The following MSR1 variants were observed in gnomAD, a reference collection of about 807,000 sequenced individuals.
MSR1 encodes macrophage scavenger receptor types I and II.
In MSR1, 53 loss-of-function variants were observed where a neutral mutation model predicts 47.2. The ratio of observed to expected loss-of-function variants is 1.12; its 90% CI spans 0.90 to 1.41. MSR1 has a LOEUF of 1.41. Among genes scored for constraint, MSR1 ranks in the 40% most tolerant of loss-of-function variants. The pLI is 0.00. For missense variants in MSR1, 786 were observed against 546.9 expected, an observed-to-expected ratio of 1.44 and a Z score of -4.36; for synonymous variants, 239 against 185.6, an observed-to-expected ratio of 1.29 and a Z score of -2.34.
intron 9 of MSR1, among the ~76,000 whole-genome samples, chr8:16,114,452 T>G (rs1799831181): frequency 6.6e-6 from 1 of 152,110 alleles, no homozygotes; most frequent in African/African-American, 2.4e-5. Context: ...CCATACAGGC[T>G]CAGATATACC....
intron 8 of MSR1, among the ~76,000 whole-genome samples, chr8:16,137,115 C>T (rs769952662): frequency 6.6e-6 from 1 of 152,028 alleles, no homozygotes; most frequent in Non-Finnish European, 1.5e-5. Context: ...TAAGGCTGAG[C>T]CCGTTAGCAA....
chr8:16,144,515 G>C (rs1233430651), intron 7 of MSR1, among the ~76,000 whole-genome samples: 1 of 151,998 alleles, frequency 6.6e-6, no homozygotes, highest in African/African-American at 2.4e-5. Context: ...TTTCATCCTA[G>C]AGCTCAGAGG....
chr8:16,190,583 G>T (rs1467890368), intron 1 of MSR1, among the ~76,000 whole-genome samples: 1 of 152,016 alleles, frequency 6.6e-6, no homozygotes, highest in Non-Finnish European at 1.5e-5. Context: ...ATCCCCACAG[G>T]TTTCTTTTAC....
intron 8 of MSR1, among the ~76,000 whole-genome samples, chr8:16,122,840 A>ATTTTTTTT: frequency 7.8e-6 from 1 of 127,934 alleles, no homozygotes; most frequent in African/African-American, 3.0e-5. Context: ...CTCTATTCAA[A>ATTTTTTTT]TTCTTTTTTT....
intron 5 of MSR1, among the ~76,000 whole-genome samples, chr8:16,159,769 AAT>A (rs1290183383): frequency 6.6e-6 from 1 of 151,934 alleles, no homozygotes. Context: ...CTTGTGAGAG[AAT>A]ACTTAATGTT....
chr8:16,111,308 T>C (rs924574114), intron 9 of MSR1, among the ~76,000 whole-genome samples: 3 of 152,242 alleles, frequency 2.0e-5, no homozygotes, highest in Non-Finnish European at 2.9e-5. Context: ...CTATTATATT[T>C]ATTGTCATTT....
chr8:16,113,641 G>T (rs1278684350), intron 9 of MSR1, among the ~76,000 whole-genome samples: 2 of 152,122 alleles, frequency 1.3e-5, no homozygotes, highest in African/African-American at 4.8e-5. Context: ...TTGGATTGTA[G>T]TTTTGTGCTT....
intron 8 of MSR1, among the ~76,000 whole-genome samples, chr8:16,142,747 A>T (rs1479044668): frequency 6.6e-6 from 1 of 152,158 alleles, no homozygotes; most frequent in Non-Finnish European, 1.5e-5. Context: ...ACCCCTGATG[A>T]TTAAATATGA....
intron 8 of MSR1, among the ~76,000 whole-genome samples, chr8:16,129,585 A>G (rs1385379823): frequency 6.6e-6 from 1 of 152,040 alleles, no homozygotes. Flanking sequence ...GTTCCCTACA[A>G]AAAATTTTAA....
In MSR1 at chr8:16,175,239, G is replaced by T; in HGVS notation, c.165C>A (p.Ala55=). Residue 55 remains alanine, a synonymous_variant, in exon 3 of 10, where the codon GCC becomes GCA. Transcript: ENST00000262101. ...GAACTGCAAACACGAGGAGGTAAAGGGCAATCAGTGCAGCTTTGAAGGACT... is the reference window on the plus strand; with the variant it reads ...GAACTGCAAACACGAGGAGGTAAAGTGCAATCAGTGCAGCTTTGAAGGACT... ...KLKSFKAALI[A]LYLLVFAVLI... The T allele has an allele frequency of 6.2e-7, 1 of 1,614,080 alleles. No homozygotes were observed. The highest frequency in any genetic ancestry group is 1.1e-5 in the South Asian group (1 of 91,076).
intron 3 of MSR1, among the ~76,000 whole-genome samples, chr8:16,174,333 G>A (rs1013581678): frequency 4.6e-5 from 7 of 152,068 alleles, no homozygotes; most frequent in East Asian, 1.9e-4. Flanking sequence ...GAGCACATGG[G>A]CAGACATTTT....
chr8:16,136,143 G>A (rs75566898), intron 8 of MSR1, among the ~76,000 whole-genome samples: 35 of 152,208 alleles, frequency 2.3e-4, no homozygotes, highest in African/African-American at 7.9e-4. Context: ...TTTGAAAGAA[G>A]TTCTAAAGTG....
intron 1 of MSR1, 62 bp from the exon 2 acceptor site, chr8:16,178,054 A>G: frequency 2.3e-6 from 3 of 1,307,290 alleles, no homozygotes. Flanking sequence ...TCTTTTGCAT[A>G]ATGTTTTAAA....
At position 16,166,045 on chromosome 8, in the gene MSR1, G is replaced by A. The variant is rs144777589; in HGVS notation, c.631-1794C>T. 5.9e-5 allele frequency among the ~76,000 whole-genome samples: 9 copies of A among 152,090 alleles called. No homozygotes were observed. The East Asian group carries it at 7.7e-4, about 13-fold the overall frequency. On this transcript the variant is annotated intron_variant, in intron 4 of 9. Transcript: ENST00000262101. The stretch of plus-strand genomic sequence containing the variant: ...GGCTAAAAATTGCTGCAAGTATGTC[G>A]GGTAGTTCCAGACATTCAGCATAAA...
chr8:16,131,998 GT>G (rs150801416), intron 8 of MSR1, among the ~76,000 whole-genome samples: 10,144 of 144,986 alleles, frequency 0.07, 952 homozygotes, highest in African/African-American at 0.21. Flanking sequence ...TTACAATAGG[GT>G]TTTTTTTTTT....
intron 7 of MSR1, among the ~76,000 whole-genome samples, chr8:16,144,564 T>C (rs1800648695): frequency 6.6e-6 from 1 of 152,112 alleles, no homozygotes; most frequent in East Asian, 1.9e-4. Flanking sequence ...ATAATAATAG[T>C]AATAATTTAG....
At chr8:16,151,693 A>G (rs140823774) in intron 6 of MSR1, among the ~76,000 whole-genome samples, 1 of 152,274 alleles carries the variant, frequency 6.6e-6, no homozygotes, top group African/African-American at 2.4e-5. Context: ...GACATCATCA[A>G]GTCAGAATCC....
intron 9 of MSR1, among the ~76,000 whole-genome samples, chr8:16,118,158 T>G (rs1408834575): frequency 6.6e-6 from 1 of 152,148 alleles, no homozygotes; most frequent in Admixed American, 6.5e-5. Flanking sequence ...ATTGATTATA[T>G]TATCTAAATA....
intron 8 of MSR1, among the ~76,000 whole-genome samples, chr8:16,133,043 GT>G (rs931578075): frequency 5.9e-5 from 9 of 152,150 alleles, no homozygotes; most frequent in African/African-American, 2.2e-4. Context: ...AGTTTTTGTT[GT>G]TAGTTTTATG....
Sources: gnomAD v4.1 joint callset for allele counts (sites outside exome capture counted in the v4.1 genomes callset) on GRCh38, gnomAD v4.1.1 for gene constraint, MANE v1.5 for transcripts, NCBI Gene and HGNC (gene_info 2026-07-23, HGNC 2026-07-21) for gene names.